TRIM3: variants seen among roughly 807,000 people sequenced by gnomAD.
The protein encoded by TRIM3 is tripartite motif-containing protein 3.
A neutral mutation model predicts 66.6 loss-of-function variants in TRIM3; 13 were observed. The ratio of observed to expected loss-of-function variants is 0.20; its 90% CI spans 0.13 to 0.31. The LOEUF is 0.31. Among genes scored for constraint, TRIM3 ranks in the 10% least tolerant of loss-of-function variants. TRIM3 has a pLI of 1.00. For missense variants in TRIM3, 711 were observed against 1,020.4 expected, an observed-to-expected ratio of 0.70 and a Z score of 4.13; for synonymous variants, 406 against 411.7, an observed-to-expected ratio of 0.99 and a Z score of 0.17.
chr11:6,458,322 C>T lies in TRIM3; in HGVS notation c.132-26G>A. ...CTGTCCAGGAAGGAGAGTCAAAGAA[C>T]AGAGTGGGTGGGGTGGCATAAGTGC... is the stretch of plus-strand genomic sequence containing the variant. On this transcript the variant is annotated intron_variant, in intron 2 of 11. Transcript: ENST00000345851. This position sits in a 1 kb window ranked among gnomAD's most constrained non-coding sequence, Gnocchi z 6.2. 1 of 1,592,368 alleles carries T rather than the reference C, an allele frequency of 6.3e-7. No individual in the cohort carries two copies. The highest frequency in any genetic ancestry group is 1.1e-5 in the South Asian group (1 of 89,854).
rs763650093 is a variant in TRIM3, at chr11:6,465,678, G to C, written c.18C>G (p.Asp6Glu). 1.9e-6 allele frequency: 3 copies of C among 1,614,038 alleles called. No individual in the cohort carries two copies. Among genetic ancestry groups the C allele is most frequent in the African/African-American group, 1.3e-5 (1 of 75,024 alleles). Residue 6 changes from aspartate (D) to glutamate (E), a missense_variant, in exon 2 of 12, where the codon GAC becomes GAG. Physicochemically the swap from Asp to Glu is conservative, Grantham distance 45. Around this residue, in one of 3 missense-constraint regions of TRIM3, gnomAD observed 149 missense variants for 240.3 expected, o/e 0.62. Coordinates refer to ENST00000345851, the MANE Select transcript of TRIM3 (RefSeq NM_033278.4). MAKRE[D>E]SPGPEVQPMD... ...TTGGCTGGACCTCTGGGCCAGGGCT[G>C]TCCTCCCTCTTTGCCATGGCGCCCA...
At chr11:6,469,490 A>G (rs1850599684) in intron 1 of TRIM3, among the ~76,000 whole-genome samples, 1 of 152,042 alleles carries the variant, frequency 6.6e-6, no homozygotes, top group Admixed American at 6.5e-5. Context: ...GTTCAAGTGA[A>G]CTGTTTATCA....
Position 6,457,531 on chromosome 11 carries a change from C to T in TRIM3, c.516-55G>A, listed in dbSNP as rs41275190. 10 of 1,591,126 alleles carry T rather than the reference C, an allele frequency of 6.3e-6. No individual in the cohort carries two copies. Among genetic ancestry groups the T allele is most frequent in the African/African-American group, 4.0e-5 (3 of 74,584 alleles). ...GCTGAGGGTGGCTTTGCCGAACTTT[C>T]CCTTCTCCCTGGGGAACCTACTGCT... On this transcript the variant is annotated intron_variant, in intron 4 of 11. Transcript: ENST00000345851. The surrounding 1 kb of genome is among the most constrained non-coding windows in gnomAD (Gnocchi z 4.5).
chr11:6,453,821 G>A (rs75098223), intron 7 of TRIM3, among the ~76,000 whole-genome samples: 2,481 of 152,308 alleles, frequency 0.016, 77 homozygotes, highest in African/African-American at 0.056. Context: ...AAGAGAAAAC[G>A]GTCATGTCGT....
Position 6,456,237 on chromosome 11 carries a change from T to C in TRIM3, c.1429+60A>G, listed in dbSNP as rs1849961569. 2.5e-6 allele frequency: 4 copies of C among 1,601,528 alleles called. No individual in the cohort carries two copies. In the South Asian group the frequency reaches 4.5e-5, roughly 18 times the overall value. ...ATTCAGAGGTCATCTTGAACCTCCC[T>C]TCCCTCCCCACCCACTACCTGAGCC... On this transcript the variant is annotated intron_variant, in intron 6 of 11. Coordinates refer to ENST00000345851, the MANE Select transcript of TRIM3 (RefSeq NM_033278.4). The surrounding 1 kb of genome is among the most constrained non-coding windows in gnomAD (Gnocchi z 6.4).
At position 6,450,853 on chromosome 11, in the gene TRIM3, AGG is replaced by A; in HGVS notation, c.1870+37_1870+38del. 1 of 1,610,036 alleles carries A rather than the reference AGG, an allele frequency of 6.2e-7. No individual in the cohort carries two copies. The highest frequency in any genetic ancestry group is 8.5e-7 in the Non-Finnish European group (1 of 1,177,014). Reference sequence around the variant, plus strand: ...GGTATCTAGGGGAGTTCTCTGGAACAGGGGTATCAGCATAGATCTTGGAGCTG... The same window carrying A: ...GGTATCTAGGGGAGTTCTCTGGAACAGGTATCAGCATAGATCTTGGAGCTG... On this transcript the variant is annotated intron_variant, in intron 9 of 11. Coordinates refer to ENST00000345851, the MANE Select transcript of TRIM3 (RefSeq NM_033278.4). This position sits in a 1 kb window ranked among gnomAD's most constrained non-coding sequence, Gnocchi z 4.8.
chr11:6,460,929 G>A (rs757913287), intron 2 of TRIM3, among the ~76,000 whole-genome samples: 136 of 115,158 alleles, frequency 1.2e-3, no homozygotes, highest in Non-Finnish European at 1.8e-3. Context: ...TTTTTGAGAC[G>A]GAGTCCTGCT....
At chr11:6,472,792 A>C (rs751716871) in intron 1 of TRIM3, among the ~76,000 whole-genome samples, 10 of 152,252 alleles carry the variant, frequency 6.6e-5, no homozygotes, top group Non-Finnish European at 1.2e-4. Context: ...TTTCCACAGC[A>C]GAAAGTAGCA....
chr11:6,466,137 T>G (rs1850456825), intron 1 of TRIM3, among the ~76,000 whole-genome samples: 1 of 152,154 alleles, frequency 6.6e-6, no homozygotes, highest in African/African-American at 2.4e-5. Flanking sequence ...CAAATCCTCC[T>G]CCAAGAGACC....
Position 6,449,012 on chromosome 11 carries a change from C to G in TRIM3, c.*16G>C. ...AATGTCTGTCCCTCCACAAGCCAGG[C>G]AGGGCCTCTGTACAGCTACTGGAGG... On this transcript the variant is annotated 3_prime_UTR_variant, in exon 12 of 12. Coordinates refer to ENST00000345851, the MANE Select transcript of TRIM3 (RefSeq NM_033278.4). This position sits in a 1 kb window ranked among gnomAD's most constrained non-coding sequence, Gnocchi z 5.3. 1.2e-6 allele frequency: 2 copies of G among 1,613,040 alleles called. No individual in the cohort carries two copies. Among genetic ancestry groups the G allele is most frequent in the Non-Finnish European group, 1.7e-6 (2 of 1,179,052 alleles).
Position 6,467,251 on chromosome 11 carries a change from G to A in TRIM3, c.-37-1519C>T, listed in dbSNP as rs138494974. Among the ~76,000 whole-genome samples the A allele has an allele frequency of 8.9e-4, 136 of 152,314 alleles. 3 individuals are homozygous for A. Among genetic ancestry groups the A allele is most frequent in the Non-Finnish European group, 4.7e-4 (32 of 68,020 alleles). ...GTAACTTTTAAGCAGAATTCTGGGT[G>A]GATGGGAGAAAAATGGTATGGGTGA... On this transcript the variant is annotated intron_variant, in intron 1 of 11. Transcript: ENST00000345851.
rs1850018415 is a variant in TRIM3 at position 6,456,916 on chromosome 11, C to T, written c.810G>A (p.Val270=). 6.2e-7 allele frequency: 1 copy of T among 1,611,762 alleles called. No individual in the cohort carries two copies. The change falls in exon 6 of 12, where the codon GTG becomes GTA. Residue 270 remains valine (V), a synonymous_variant. Transcript: ENST00000345851. This position sits in a 1 kb window ranked among gnomAD's most constrained non-coding sequence, Gnocchi z 6.4. The part of the protein sequence containing the change: ...RLGSAPEVLL[V]RKHMRERLAA... Reference sequence around the variant, plus strand: ...CCAGCCGCTCTCGCATGTGCTTGCGCACCAGCAACACCTCCGGGGCCGAGC... The same window carrying T: ...CCAGCCGCTCTCGCATGTGCTTGCGTACCAGCAACACCTCCGGGGCCGAGC...
intron 2 of TRIM3, among the ~76,000 whole-genome samples, chr11:6,459,618 C>T: frequency 6.6e-6 from 1 of 152,156 alleles, no homozygotes; most frequent in East Asian, 1.9e-4. Context: ...CATACTCTTA[C>T]AATCATCTAG....
At chr11:6,472,888 C>T (rs1206872462) in intron 1 of TRIM3, among the ~76,000 whole-genome samples, 1 of 152,182 alleles carries the variant, frequency 6.6e-6, no homozygotes, top group African/African-American at 2.4e-5. Context: ...TGCAGCAAAT[C>T]ATCCCCTGCT....
In TRIM3 at chr11:6,458,487, C is replaced by T. The variant is rs1009244756; in HGVS notation, c.132-191G>A. 5.1e-6 allele frequency: 3 copies of T among 583,758 alleles called. No homozygotes were observed. The highest frequency in any genetic ancestry group is 3.1e-5 in the Admixed American group (1 of 31,992). The allele number at this position is 583,758 out of a possible 1,614,324, so 36.2% of individuals were successfully genotyped here. A position where few individuals can be genotyped will look rare whatever the true frequency, so the allele number is the denominator to read the frequency against. On this transcript the variant is annotated intron_variant, in intron 2 of 11. Transcript: ENST00000345851. The surrounding 1 kb of genome is among the most constrained non-coding windows in gnomAD (Gnocchi z 6.2). ...CTTGCCCCTTACAACTGAGTAGGAACACACCCCGACCCCTCTCAGAAGAGC... is the reference window on the plus strand; with the variant it reads ...CTTGCCCCTTACAACTGAGTAGGAATACACCCCGACCCCTCTCAGAAGAGC...
chr11:6,467,774 A>C (rs1039644582), intron 1 of TRIM3, among the ~76,000 whole-genome samples: 2 of 152,234 alleles, frequency 1.3e-5, no homozygotes, highest in African/African-American at 4.8e-5. Context: ...GTCTCAAAAA[A>C]AAAAAGTGAT....
rs748564572 is a variant in TRIM3, at chr11:6,456,443, G to T, written c.1283C>A (p.Pro428Gln). ...ALRPGDLPPS[P>Q]DDVKRRVKSP... is the part of the protein sequence containing the mutation. ...CTTGACACGGCGCTTCACATCGTCC[G>T]GGGAAGGTGGCAGGTCCCCCGGACG... The change falls in exon 6 of 12, where the codon CCG (proline) becomes CAG (glutamine). Residue 428 changes from proline to glutamine, a missense_variant. Around this residue, in one of 3 missense-constraint regions of TRIM3, gnomAD observed 399 missense variants for 458.1 expected, o/e 0.87. Coordinates refer to ENST00000345851, the MANE Select transcript of TRIM3 (RefSeq NM_033278.4). The surrounding 1 kb of genome is among the most constrained non-coding windows in gnomAD (Gnocchi z 6.4). The T allele has an allele frequency of 6.5e-7, 1 of 1,537,820 alleles. No homozygotes were observed. Among genetic ancestry groups the T allele is most frequent in the South Asian group, 1.2e-5 (1 of 80,186 alleles).
At chr11:6,460,572 A>T (rs1175736673) in intron 2 of TRIM3, among the ~76,000 whole-genome samples, 1 of 152,034 alleles carries the variant, frequency 6.6e-6, no homozygotes, top group Non-Finnish European at 1.5e-5. Context: ...GGATATAGAG[A>T]GGCACTAGGG....
intron 1 of TRIM3, 129 bp from the exon 2 acceptor site, chr11:6,465,861 C>T (rs538935326): frequency 2.7e-6 from 2 of 747,660 alleles, no homozygotes; most frequent in South Asian, 3.5e-5. Flanking sequence ...AGGGCAGTGA[C>T]TGGAAGGATC....
Sources: gnomAD v4.1 joint callset for allele counts (sites outside exome capture counted in the v4.1 genomes callset) on GRCh38, gnomAD v4.1.1 for gene constraint, gnomAD v4.1.1 regional missense constraint, Gnocchi (gnomAD v3.1) non-coding constraint, MANE v1.5 for transcripts, NCBI Gene and HGNC (gene_info 2026-07-23, HGNC 2026-07-21) for gene names.